The following IL6ST variants were observed in gnomAD, a reference collection of about 807,000 sequenced individuals.
The protein encoded by IL6ST is interleukin 6 cytokine family signal transducer, also known as interleukin-6 receptor subunit beta.
A neutral mutation model predicts 91.3 loss-of-function variants in IL6ST; 24 were observed. The observed-to-expected ratio is 0.26, with a 90% confidence interval of 0.19 to 0.37. IL6ST has a LOEUF of 0.37. Ranked by LOEUF, IL6ST falls within the 10% of genes least tolerant of loss-of-function variation. The pLI, the probability that IL6ST is intolerant of heterozygous loss-of-function variation, is 1.00. For missense variants in IL6ST, 914 were observed against 1,078.5 expected, an observed-to-expected ratio of 0.85 and a Z score of 2.14; for synonymous variants, 351 against 373.6, an observed-to-expected ratio of 0.94 and a Z score of 0.70.
chr5:55,956,186 G>C lies in IL6ST; in HGVS notation c.1106C>G (p.Thr369Ser), dbSNP rs749691695. Residue 369 changes from threonine (T) to serine (S), a missense_variant, in exon 10 of 17, where the codon ACT becomes AGT. Physicochemically the swap from Thr to Ser is moderately conservative, Grantham distance 58. Coordinates refer to ENST00000381298, the MANE Select transcript of IL6ST (RefSeq NM_002184.4). ...ANGKILDYEVTLTRWKSHLQN... is the reference protein window; with the variant it reads ...ANGKILDYEVSLTRWKSHLQN... ...TAAATGTGATTTCCATCTTGTGAGA[G>C]TCACTTCATAATCCAAGATTTTTCC... The C allele has an allele frequency of 5.6e-6, 9 of 1,612,254 alleles. No individual in the cohort carries two copies. The Admixed American group carries it at 1.5e-4, about 27-fold the overall frequency.
chr5:55,957,549 A>C (rs2111724661), intron 8 of IL6ST, among the ~76,000 whole-genome samples: 1 of 152,256 alleles, frequency 6.6e-6, no homozygotes, highest in Admixed American at 6.5e-5. Flanking sequence ...CTGAGCAACA[A>C]CTAAAGAGGC....
intron 11 of IL6ST, among the ~76,000 whole-genome samples, chr5:55,953,442 T>G (rs1182968074): frequency 6.6e-6 from 1 of 152,148 alleles, no homozygotes; most frequent in Admixed American, 6.5e-5. Context: ...CAGGCTGGAG[T>G]GCAATGGCAT....
chr5:55,946,886 C>T (rs527772219), intron 15 of IL6ST, among the ~76,000 whole-genome samples: 89 of 151,690 alleles, frequency 5.9e-4, no homozygotes, highest in East Asian at 2.9e-3. Flanking sequence ...AAAAGACATA[C>T]GCAAAAGACT....
chr5:55,979,397 C>T (rs1753513233), intron 2 of IL6ST, among the ~76,000 whole-genome samples: 1 of 152,154 alleles, frequency 6.6e-6, no homozygotes, highest in African/African-American at 2.4e-5. Flanking sequence ...TGAGCATGTT[C>T]TGTATCTTGA....
intron 15 of IL6ST, chr5:55,944,579 G>A (rs1452573980): frequency 3.1e-5 from 17 of 542,498 alleles, no homozygotes; most frequent in Non-Finnish European, 4.1e-5. Flanking sequence ...CCAGGTTCAC[G>A]GATTGAAAGA....
intron 3 of IL6ST, among the ~76,000 whole-genome samples, chr5:55,975,792 C>T (rs193120543): frequency 2.0e-5 from 3 of 151,744 alleles, no homozygotes; most frequent in African/African-American, 7.3e-5. Flanking sequence ...AATTTGGGGA[C>T]AAGGACTTAC....
chr5:55,989,587 T>A (rs777559864), intron 1 of IL6ST, among the ~76,000 whole-genome samples: 2 of 152,208 alleles, frequency 1.3e-5, no homozygotes, highest in African/African-American at 2.4e-5. Flanking sequence ...TTGATGAACA[T>A]CCATGTTCTC....
At position 55,960,389 on chromosome 5, in the gene IL6ST, CT is replaced by C. The variant is rs1752237751; in HGVS notation, c.973+12del. On this transcript the variant is annotated intron_variant, in intron 8 of 16. Coordinates refer to ENST00000381298, the MANE Select transcript of IL6ST (RefSeq NM_002184.4). The stretch of plus-strand genomic sequence containing the variant: ...TCCAATAGCTTTACTTCTTCATATA[CT>C]TATGTACTTACTATCTTCATAGGTG... 1 of 1,607,642 alleles carries C rather than the reference CT, an allele frequency of 6.2e-7. No individual in the cohort carries two copies. The highest frequency in any genetic ancestry group is 1.1e-5 in the South Asian group (1 of 90,344).
In IL6ST at chr5:55,938,614, G is replaced by A. The variant is rs1397697026; in HGVS notation, c.*2468C>T. The A allele has an allele frequency of 5.1e-6, 1 of 196,752 alleles. No individual in the cohort carries two copies. The highest frequency in any genetic ancestry group is 2.3e-5 in the African/African-American group (1 of 43,298). 12.2% of individuals were successfully genotyped at this position (196,752 alleles called of 1,614,324 possible). A position where few individuals can be genotyped will look rare whatever the true frequency, so the allele number is the denominator to read the frequency against. On this transcript the variant is annotated 3_prime_UTR_variant, in exon 17 of 17. Transcript: ENST00000381298. ...CTTTTGGACACTAAAGATTTAAAGT[G>A]ATAAAGCCACTAACTAACTTTATTA...
At chr5:55,947,134 G>C (rs1327782734) in intron 15 of IL6ST, among the ~76,000 whole-genome samples, 1 of 152,158 alleles carries the variant, frequency 6.6e-6, no homozygotes, top group Non-Finnish European at 1.5e-5. Flanking sequence ...GGGAGGCAGA[G>C]GTTGTAGTGA....
At chr5:55,946,501 G>C (rs1268390196) in intron 15 of IL6ST, among the ~76,000 whole-genome samples, 1 of 152,120 alleles carries the variant, frequency 6.6e-6, no homozygotes, top group Non-Finnish European at 1.5e-5. Flanking sequence ...CCATACTACA[G>C]AATACTGTTC....
chr5:55,947,504 A>C lies in IL6ST; in HGVS notation c.1926T>G (p.Asn642Lys). The C allele has an allele frequency of 6.4e-7, 1 of 1,568,134 alleles. No individual in the cohort carries two copies. The highest frequency in any genetic ancestry group is 8.7e-7 in the Non-Finnish European group (1 of 1,152,636). The change falls in exon 15 of 17, where the codon AAT (asparagine) becomes AAG (lysine). Residue 642 changes from asparagine (N) to lysine (K), a missense_variant. Transcript: ENST00000381298. The stretch of plus-strand genomic sequence containing the variant: ...ATAAAGTTACTTACAGGTCTCGCTT[A>C]TTAAAGCAGAACAGCACTCCCAGAA... ...TTLLGVLFCF[N>K]KRDLIKKHIW... is the part of the protein sequence containing the mutation.
chr5:55,951,275 C>A (rs1414134427), intron 14 of IL6ST, among the ~76,000 whole-genome samples, 189 bp downstream of exon 14: 1 of 152,078 alleles, frequency 6.6e-6, no homozygotes, highest in African/African-American at 2.4e-5. Context: ...TAGTCAGAAG[C>A]AGTTAATAAA....
At chr5:55,969,063 C>T (rs964060294) in intron 4 of IL6ST, among the ~76,000 whole-genome samples, 3 of 151,940 alleles carry the variant, frequency 2.0e-5, no homozygotes, top group Non-Finnish European at 4.4e-5. Context: ...GGCGTGGTGG[C>T]TCATGCCTGT....
intron 1 of IL6ST, among the ~76,000 whole-genome samples, chr5:55,983,900 C>T (rs1031132700): frequency 6.6e-6 from 1 of 152,104 alleles, no homozygotes; most frequent in Admixed American, 6.5e-5. Context: ...TAGTGGACAT[C>T]TTCATAAGTT....
rs920339997 is a variant in IL6ST at position 55,940,557 on chromosome 5, A to AT, written c.*524dup. Reference sequence around the variant, plus strand: ...ACTGATATACACGAAGCTGCTCCTCATTTTTTTGTCAGATTACAAAAGCTG... The same window carrying AT: ...ACTGATATACACGAAGCTGCTCCTCATTTTTTTTGTCAGATTACAAAAGCTG... On this transcript the variant is annotated 3_prime_UTR_variant, in exon 17 of 17. Transcript: ENST00000381298. 49 of 213,998 alleles carry AT rather than the reference A, an allele frequency of 2.3e-4. 1 individual carries two copies. Among genetic ancestry groups the AT allele is most frequent in the Admixed American group, 1.9e-3 (33 of 17,232 alleles). 13.3% of individuals were successfully genotyped at this position (213,998 alleles called of 1,614,324 possible). A position where few individuals can be genotyped will look rare whatever the true frequency, so the allele number is the denominator to read the frequency against.
intron 1 of IL6ST, among the ~76,000 whole-genome samples, chr5:55,991,501 A>G (rs543044989): frequency 6.6e-6 from 1 of 152,088 alleles, no homozygotes; most frequent in South Asian, 2.1e-4. Flanking sequence ...TTGGACATTG[A>G]TCACCTCAAT....
At chr5:55,992,483 T>C (rs913952580) in intron 1 of IL6ST, among the ~76,000 whole-genome samples, 3 of 152,312 alleles carry the variant, frequency 2.0e-5, no homozygotes, top group African/African-American at 7.2e-5. Flanking sequence ...TTTTATCCTA[T>C]TATTATTAGA....
intron 3 of IL6ST, among the ~76,000 whole-genome samples, chr5:55,975,094 T>C (rs1259773421): frequency 6.6e-6 from 1 of 152,014 alleles, no homozygotes; most frequent in African/African-American, 2.4e-5. Context: ...ATGATTCTCC[T>C]GGCTCAGCCT....
Sources: allele counts gnomAD v4.1 joint callset (sites outside exome capture counted in the v4.1 genomes callset), GRCh38; gene constraint gnomAD v4.1.1; transcripts MANE v1.5; gene names NCBI Gene and HGNC (gene_info 2026-07-23, HGNC 2026-07-21).